Variants in PRDM7 observed in about 807,000 individuals in gnomAD.
The protein encoded by PRDM7 is histone-lysine N-methyltransferase PRDM7.
A neutral mutation model predicts 64.3 loss-of-function variants in PRDM7; 52 were observed. The observed-to-expected ratio is 0.81, with a 90% CI of 0.65 to 1.02. The LOEUF (loss-of-function observed/expected upper bound fraction) is 1.02. Ranked by LOEUF, PRDM7 falls within the 50% of genes least tolerant of loss-of-function variation. The probability of loss-of-function intolerance (pLI) is 0.00; values close to 1 mark genes in which losing one functional copy is unlikely to be tolerated. For synonymous variants in PRDM7, 192 were observed against 210.1 expected, an observed-to-expected ratio of 0.91 and a Z score of 0.74; for missense variants, 574 against 597.1, an observed-to-expected ratio of 0.96 and a Z score of 0.40.
chr16:90,066,604 G>C (rs748813097), intron 5 of PRDM7, among the ~76,000 whole-genome samples: 1 of 151,076 alleles, frequency 6.6e-6, no homozygotes, highest in Non-Finnish European at 1.5e-5. Context: ...ATGTGAAGTT[G>C]AATAGGTACT....
chr16:90,073,994 T>C (rs1350982007), intron 4 of PRDM7, among the ~76,000 whole-genome samples: 3 of 151,590 alleles, frequency 2.0e-5, no homozygotes, highest in East Asian at 4.0e-4. Context: ...CCATGTTGGC[T>C]AGGCTTGTCT....
At position 90,063,746 on chromosome 16, in the gene PRDM7, T is replaced by A. The variant is rs928245877; in HGVS notation, c.374A>T (p.Asn125Ile). 3 of 1,614,244 alleles carry A rather than the reference T, an allele frequency of 1.9e-6. No homozygotes were observed. The highest frequency in any genetic ancestry group is 2.5e-6 in the Non-Finnish European group (3 of 1,180,032). The part of the protein sequence containing the change: ...HQKGMPKASF[N>I]NESSLRELSG... ...CAATTCTCTCAAACTAGATTCATTATTGAATGACGCCTTGGGCATTCCCTT... is the reference window on the plus strand; with the variant it reads ...CAATTCTCTCAAACTAGATTCATTAATGAATGACGCCTTGGGCATTCCCTT... Residue 125 changes from asparagine (N) to isoleucine (I), a missense_variant, in exon 6 of 11, where the codon AAT becomes ATT. Transcript: ENST00000449207.
chr16:90,061,270 T>C (rs1205045262), intron 9 of PRDM7, among the ~76,000 whole-genome samples, 182 bp downstream of exon 9: 1 of 152,184 alleles, frequency 6.6e-6, no homozygotes, highest in East Asian at 1.9e-4. Flanking sequence ...TACCAATAAA[T>C]CATAATATCT....
In PRDM7 at chr16:90,075,815, T is replaced by A. The variant is rs529316800; in HGVS notation, c.69+27A>T. 7 of 1,609,258 alleles carry A rather than the reference T, an allele frequency of 4.3e-6. No individual in the cohort carries two copies. In the East Asian group the frequency reaches 8.9e-5, roughly 21 times the overall value. The stretch of plus-strand genomic sequence containing the variant: ...TCCAGAGATCAGCTCCTGCTGGGAG[T>A]CTGGCTTCGCCTCCCCGACTTCTCA... On this transcript the variant is annotated intron_variant, in intron 2 of 10. Transcript: ENST00000449207. The surrounding 1 kb of genome is among the most constrained non-coding windows in gnomAD (Gnocchi z 4.3).
In PRDM7 at chr16:90,066,414, C is replaced by T. The variant is rs137905629; in HGVS notation, c.351+447G>A. Among the ~76,000 whole-genome samples the T allele has an allele frequency of 6.0e-5, 9 of 151,250 alleles. No homozygotes were observed. The East Asian group carries it at 1.7e-3, about 29-fold the overall frequency. On this transcript the variant is annotated intron_variant, in intron 5 of 10. Transcript: ENST00000449207. ...ATGTAAAGACATATGGGTAAGACAG[C>T]ATAAACTTTATAAAACTATGAAACT...
At chr16:90,064,373 G>A (rs2037835176) in intron 5 of PRDM7, among the ~76,000 whole-genome samples, 1 of 152,092 alleles carries the variant, frequency 6.6e-6, no homozygotes, top group Admixed American at 6.6e-5. Flanking sequence ...TTTCTCTTTA[G>A]TTTCCCGATC....
intron 8 of PRDM7, 124 bp from the exon 9 acceptor site, chr16:90,061,643 C>A: frequency 8.1e-7 from 1 of 1,235,288 alleles, no homozygotes; most frequent in Non-Finnish European, 1.2e-6. Context: ...GACCACATGG[C>A]ATGCACCTTA....
intron 1 of PRDM7, among the ~76,000 whole-genome samples, chr16:90,076,485 G>A (rs1271896173): frequency 3.9e-5 from 6 of 152,192 alleles, no homozygotes; most frequent in Non-Finnish European, 7.3e-5. Flanking sequence ...TCTCTAAGGG[G>A]AAGCTATCTC....
Position 90,075,251 on chromosome 16 carries a change from A to G in PRDM7, c.193+100T>C. 1 of 1,588,160 alleles carries G rather than the reference A, an allele frequency of 6.3e-7. No individual in the cohort carries two copies. The highest frequency in any genetic ancestry group is 2.2e-5 in the East Asian group (1 of 44,702). On this transcript the variant is annotated intron_variant, in intron 3 of 10. Coordinates refer to ENST00000449207, the MANE Select transcript of PRDM7 (RefSeq NM_001098173.2). The surrounding 1 kb of genome is among the most constrained non-coding windows in gnomAD (Gnocchi z 4.3). ...CAGATTTGTCTCCGTGCAAAAGGGA[A>G]TTGTGGGCAGATGCCGCCACCTGAT...
chr16:90,062,862 G>T (rs2037805783), intron 6 of PRDM7, among the ~76,000 whole-genome samples: 1 of 152,114 alleles, frequency 6.6e-6, no homozygotes, highest in Non-Finnish European at 1.5e-5. Context: ...TCTCTATAGG[G>T]GATCTTCTAT....
chr16:90,060,056 T>C (rs774233525), intron 10 of PRDM7, among the ~76,000 whole-genome samples: 1 of 152,344 alleles, frequency 6.6e-6, no homozygotes, highest in Non-Finnish European at 1.5e-5. Flanking sequence ...CTGGTAGGTG[T>C]TTGAGAACTT....
At chr16:90,060,947 T>G (rs139000755) in intron 9 of PRDM7, among the ~76,000 whole-genome samples, 591 of 152,352 alleles carry the variant, frequency 3.9e-3, no homozygotes, top group African/African-American at 0.013. Context: ...CACCCTACAG[T>G]TCACTCAGCT....
chr16:90,061,614 A>T lies in PRDM7; in HGVS notation c.883-95T>A. Reference sequence around the variant, plus strand: ...TCATCAATGGCCTTTGGACCTGCAGAGCTTCAACTGCCAACTGAGACCACA... The same window carrying T: ...TCATCAATGGCCTTTGGACCTGCAGTGCTTCAACTGCCAACTGAGACCACA... On this transcript the variant is annotated intron_variant, in intron 8 of 10. Transcript: ENST00000449207. The T allele has an allele frequency of 2.1e-6, 3 of 1,425,384 alleles. No homozygotes were observed. In the East Asian group the frequency reaches 6.8e-5, roughly 33 times the overall value. 88.3% of individuals were successfully genotyped at this position (1,425,384 alleles called of 1,614,324 possible).
intron 6 of PRDM7, among the ~76,000 whole-genome samples, chr16:90,063,295 G>A (rs183879343): frequency 2.0e-5 from 3 of 152,144 alleles, no homozygotes; most frequent in East Asian, 1.9e-4. Context: ...AAAATCAGCC[G>A]GGCACGGTGG....
chr16:90,058,067 C>A lies in PRDM7; in HGVS notation c.*222G>T. 6.2e-7 allele frequency: 1 copy of A among 1,613,260 alleles called. No homozygotes were observed. The highest frequency in any genetic ancestry group is 8.5e-7 in the Non-Finnish European group (1 of 1,179,356). On this transcript the variant is annotated 3_prime_UTR_variant, in exon 11 of 11. Coordinates refer to ENST00000449207, the MANE Select transcript of PRDM7 (RefSeq NM_001098173.2). The stretch of plus-strand genomic sequence containing the variant: ...TGTGTCCTTTGGTGTGTAATAACAT[C>A]TGACTTATCACTGAAACCTTGCCCA...
intron 4 of PRDM7, among the ~76,000 whole-genome samples, chr16:90,074,571 G>C (rs2038008282): frequency 6.6e-6 from 1 of 151,188 alleles, no homozygotes; most frequent in African/African-American, 2.4e-5. Context: ...GCAAGACTCT[G>C]TCTTAAAAAA....
chr16:90,072,058 G>A (rs1483409806), intron 4 of PRDM7, among the ~76,000 whole-genome samples: 2 of 152,004 alleles, frequency 1.3e-5, no homozygotes, highest in African/African-American at 4.8e-5. Flanking sequence ...GTGAAACCCC[G>A]TCTCTACTAA....
chr16:90,061,803 A>T, intron 8 of PRDM7, 118 bp downstream of exon 8: 2 of 1,486,636 alleles, frequency 1.3e-6, no homozygotes, highest in Non-Finnish European at 1.9e-6. Flanking sequence ...ACCCTTGAGT[A>T]CACAGAGCTA....
At position 90,062,297 on chromosome 16, in the gene PRDM7, A is replaced by G; in HGVS notation, c.610+104T>C. ...TCACATTATTTAGCCCCAATCCTGT[A>G]CTTTAATTCATTCGAGTAAGGGAAT... is the stretch of plus-strand genomic sequence containing the variant. On this transcript the variant is annotated intron_variant, in intron 7 of 10. Transcript: ENST00000449207. The G allele has an allele frequency of 5.6e-6, 9 of 1,613,652 alleles. No homozygotes were observed. The South Asian group carries it at 9.9e-5, about 18-fold the overall frequency.
Sources: gnomAD v4.1 joint callset for allele counts (sites outside exome capture counted in the v4.1 genomes callset) on GRCh38, gnomAD v4.1.1 for gene constraint, Gnocchi (gnomAD v3.1) non-coding constraint, MANE v1.5 for transcripts, NCBI Gene and HGNC (gene_info 2026-07-23, HGNC 2026-07-21) for gene names.